FXYD6: variants seen among roughly 807,000 people sequenced by gnomAD.
FXYD6 encodes FXYD domain containing ion transport regulator 6.
A neutral mutation model predicts 16.7 loss-of-function variants in FXYD6; 7 were observed. The observed-to-expected ratio is 0.42, with a 90% CI of 0.24 to 0.79. The LOEUF is 0.79. Ranked by LOEUF, FXYD6 falls within the 30% of genes least tolerant of loss-of-function variation. FXYD6 has a pLI of 0.28. For missense variants in FXYD6, 111 were observed against 116.2 expected (o/e 0.95, Z 0.21); for synonymous variants, 49 against 43.0 (o/e 1.14, Z -0.54).
chr11:117,858,906 G>C (rs1487871835), intron 1 of FXYD6, among the ~76,000 whole-genome samples: 2 of 151,852 alleles, frequency 1.3e-5, no homozygotes, highest in Admixed American at 1.3e-4. Context: ...CTCCCGAGTA[G>C]CTGGGACTAC....
intron 1 of FXYD6, among the ~76,000 whole-genome samples, chr11:117,864,644 C>A (rs868105927): frequency 2.0e-5 from 3 of 151,950 alleles, no homozygotes; most frequent in African/African-American, 7.3e-5. Context: ...TGGAGTGCAA[C>A]GGCTCAATCT....
chr11:117,876,922 GGA>G (rs1486162769), upstream of FXYD6: 1 of 152,268 alleles, frequency 6.6e-6, no homozygotes, highest in Non-Finnish European at 1.5e-5. Flanking sequence ...CTCGAGGGGC[GGA>G]GAGATTTTTC....
intron 1 of FXYD6, among the ~76,000 whole-genome samples, chr11:117,847,383 C>A (rs2056495226): frequency 6.6e-6 from 1 of 150,652 alleles, no homozygotes; most frequent in Admixed American, 6.6e-5. Context: ...TTTTATTATT[C>A]TTTAAGTTTT....
chr11:117,852,334 G>T (rs1441950543), intron 1 of FXYD6, among the ~76,000 whole-genome samples: 3 of 152,206 alleles, frequency 2.0e-5, no homozygotes, highest in Non-Finnish European at 4.4e-5. Context: ...AAGCTGCTGG[G>T]TCTGTGATCG....
At chr11:117,856,430 C>T (rs991829983) in intron 1 of FXYD6, among the ~76,000 whole-genome samples, 12 of 152,186 alleles carry the variant, frequency 7.9e-5, no homozygotes, top group Admixed American at 7.2e-4. Flanking sequence ...CCCCTGGCAT[C>T]CCACCTGCTT....
intron 1 of FXYD6, among the ~76,000 whole-genome samples, chr11:117,860,014 C>T (rs767466637): frequency 7.2e-5 from 11 of 152,194 alleles, no homozygotes; most frequent in African/African-American, 1.9e-4. Flanking sequence ...CCATGTCTGC[C>T]GAAGGCCTTT....
chr11:117,848,282 A>C (rs1250924650), intron 1 of FXYD6, among the ~76,000 whole-genome samples: 1 of 152,144 alleles, frequency 6.6e-6, no homozygotes, highest in African/African-American at 2.4e-5. Flanking sequence ...TTTTATGTTA[A>C]TTATGAACGA....
chr11:117,874,290 T>C (rs547307690), intron 1 of FXYD6, among the ~76,000 whole-genome samples: 3 of 152,216 alleles, frequency 2.0e-5, no homozygotes, highest in South Asian at 2.1e-4. Flanking sequence ...GAAGATCCGA[T>C]GGAAGCCAGG....
intron 1 of FXYD6, among the ~76,000 whole-genome samples, chr11:117,844,756 G>A (rs895292022): frequency 1.3e-5 from 2 of 152,172 alleles, no homozygotes; most frequent in Admixed American, 6.5e-5. Context: ...CTCCCAGAGC[G>A]CTGGAATTAC....
At chr11:117,847,547 T>C (rs1271400522) in intron 1 of FXYD6, among the ~76,000 whole-genome samples, 1 of 130,210 alleles carries the variant, frequency 7.7e-6, no homozygotes, top group African/African-American at 2.9e-5. Flanking sequence ...CGGTGTGTGA[T>C]GTTCCCCTTC....
intron 1 of FXYD6, among the ~76,000 whole-genome samples, chr11:117,857,182 A>G (rs2056750186): frequency 6.6e-6 from 1 of 152,280 alleles, no homozygotes; most frequent in South Asian, 2.1e-4. Context: ...GGATGGAATC[A>G]TGTCTAGAAT....
chr11:117,875,122 G>C lies in FXYD6; in HGVS notation c.-6+1470C>G, dbSNP rs149138648. Among the ~76,000 whole-genome samples, 547 of 150,786 alleles carry C rather than the reference G, an allele frequency of 3.6e-3. 4 individuals are homozygous for C. The highest frequency in any genetic ancestry group is 0.013 in the African/African-American group (525 of 41,240). On this transcript the variant is annotated intron_variant, in intron 1 of 7. Coordinates refer to ENST00000526014, the MANE Select transcript of FXYD6 (RefSeq NM_022003.4). ...ATGTACTGTGTGTGTGTGTGTGCAT[G>C]CACAGTGCGCATGTAGGGTGTCAGT...
At chr11:117,839,872 C>CA in intron 6 of FXYD6, 42 bp from the exon 7 acceptor site, 1 of 1,613,678 alleles carries the variant, frequency 6.2e-7, no homozygotes, top group South Asian at 1.1e-5. Context: ...ATAGACTCCT[C>CA]ACCCCCGTGG....
chr11:117,842,675 A>C (rs1326123845), intron 2 of FXYD6, 44 bp downstream of exon 2: 1 of 1,543,998 alleles, frequency 6.5e-7, no homozygotes, highest in East Asian at 2.4e-5. Context: ...AGGGCTGGAC[A>C]GGGTTGTCAT....
chr11:117,850,800 T>C (rs2056593090), intron 1 of FXYD6, among the ~76,000 whole-genome samples: 1 of 149,680 alleles, frequency 6.7e-6, no homozygotes, highest in Admixed American at 6.7e-5. Context: ...GCTTAGTGAT[T>C]TTTTTTTTTC....
At chr11:117,862,682 G>A (rs1301349226) in intron 1 of FXYD6, among the ~76,000 whole-genome samples, 2 of 152,200 alleles carry the variant, frequency 1.3e-5, no homozygotes, top group Admixed American at 1.3e-4. Context: ...GGCCCCTTCA[G>A]GGTATCTCTC....
chr11:117,865,944 T>G lies in FXYD6; in HGVS notation c.-6+10648A>C, dbSNP rs148253757. ...CTCAAAAAAAACAAAAAAGAGTGCCTGTGGTGAGGCTGAGCATCTTTCCAT... is the reference window on the plus strand; with the variant it reads ...CTCAAAAAAAACAAAAAAGAGTGCCGGTGGTGAGGCTGAGCATCTTTCCAT... On this transcript the variant is annotated intron_variant, in intron 1 of 7. Transcript: ENST00000526014. 3.8e-3 allele frequency among the ~76,000 whole-genome samples: 575 copies of G among 151,846 alleles called. 3 individuals carry two copies. Among genetic ancestry groups the G allele is most frequent in the African/African-American group, 0.012 (495 of 41,382 alleles).
chr11:117,851,762 T>C (rs893210983), intron 1 of FXYD6, among the ~76,000 whole-genome samples: 1 of 152,248 alleles, frequency 6.6e-6, no homozygotes, highest in Non-Finnish European at 1.5e-5. Flanking sequence ...AATGTTTTCA[T>C]TTCACCTTTA....
At position 117,837,230 on chromosome 11, in the gene FXYD6, A is replaced by C. The variant is rs2056220102; in HGVS notation, c.*1069T>G. The C allele has an allele frequency of 6.6e-6, 1 of 152,164 alleles. No homozygotes were observed. Among genetic ancestry groups the C allele is most frequent in the Non-Finnish European group, 1.5e-5 (1 of 68,052 alleles). 9.4% of individuals were successfully genotyped at this position (152,164 alleles called of 1,614,324 possible). A position where few individuals can be genotyped will look rare whatever the true frequency, so the allele number is the denominator to read the frequency against. On this transcript the variant is annotated 3_prime_UTR_variant, in exon 8 of 8. Coordinates refer to ENST00000526014, the MANE Select transcript of FXYD6 (RefSeq NM_022003.4). This position sits in a 1 kb window ranked among gnomAD's most constrained non-coding sequence, Gnocchi z 4.4. Reference sequence around the variant, plus strand: ...CTCACCGCTCTGACCACTGACAGGCAGAGCAAAGGATGCGGGAGTTGCCTC... The same window carrying C: ...CTCACCGCTCTGACCACTGACAGGCCGAGCAAAGGATGCGGGAGTTGCCTC...
Sources: allele counts gnomAD v4.1 joint callset (sites outside exome capture counted in the v4.1 genomes callset), GRCh38; gene constraint gnomAD v4.1.1; non-coding constraint Gnocchi (gnomAD v3.1); transcripts MANE v1.5; gene names NCBI Gene and HGNC (gene_info 2026-07-23, HGNC 2026-07-21).